Variants in DNAH2 observed in about 807,000 individuals in gnomAD.
DNAH2 encodes the protein axonemal beta dynein heavy chain 2.
A neutral mutation model predicts 523.5 loss-of-function variants in DNAH2; 323 were observed. That is an observed-to-expected ratio of 0.62 (90% CI 0.56 to 0.68). The LOEUF (loss-of-function observed/expected upper bound fraction) is 0.68. DNAH2 is among the 30% of genes least tolerant of loss of function. The probability of loss-of-function intolerance (pLI) is 0.00; values close to 1 mark genes in which losing one functional copy is unlikely to be tolerated. For missense variants in DNAH2, 4,907 were observed against 5,701.5 expected (o/e 0.86, Z 4.49); for synonymous variants, 2,093 against 2,177.4 (o/e 0.96, Z 1.08).
chr17:7,744,886 T>C (rs2075470381), intron 12 of DNAH2, among the ~76,000 whole-genome samples: 3 of 152,136 alleles, frequency 2.0e-5, no homozygotes, highest in African/African-American at 7.2e-5. Context: ...GCCCTTGGTG[T>C]TTATGGATAT....
chr17:7,777,603 G>A lies in DNAH2; in HGVS notation c.5216G>A (p.Trp1739Ter). ...CTCATGGATGTCAATTCCTTTGACT[G>A]GCTCAGCCAACTTCGGTTCTACTGG... ...SGLMDVNSFD[W>*]LSQLRFYWEK... The change falls in exon 33 of 86, where the codon TGG (tryptophan) becomes TAG (stop). Residue 1739 changes from tryptophan to a stop codon, truncating the protein, a stop_gained. Coordinates refer to ENST00000572933, the MANE Select transcript of DNAH2 (RefSeq NM_020877.5). LOFTEE classifies it high-confidence loss of function. The A allele has an allele frequency of 6.2e-7, 1 of 1,614,172 alleles. No homozygotes were observed. Among genetic ancestry groups the A allele is most frequent in the Non-Finnish European group, 8.5e-7 (1 of 1,180,036 alleles).
intron 42 of DNAH2, 165 bp downstream of exon 42, chr17:7,787,198 G>A: frequency 1.2e-6 from 1 of 865,242 alleles, no homozygotes; most frequent in Non-Finnish European, 1.7e-6. Flanking sequence ...GAAGAAAAAT[G>A]CTTTGCTTGC....
At chr17:7,734,143 C>T (rs1432333516) in intron 5 of DNAH2, 40 bp from the exon 6 acceptor site, 14 of 1,534,850 alleles carry the variant, frequency 9.1e-6, no homozygotes, top group South Asian at 1.2e-5. Flanking sequence ...AGCAAGAACT[C>T]ATCCCCTCTG....
In DNAH2 at chr17:7,754,922, G is replaced by A. The variant is rs2075794037; in HGVS notation, c.1905-2169G>A. On this transcript the variant is annotated intron_variant, in intron 12 of 85. Transcript: ENST00000572933. This position sits in a 1 kb window ranked among gnomAD's most constrained non-coding sequence, Gnocchi z 4.6. ...CCACCCCGGGCTGCCGTCTGCATGG[G>A]GCTGGGGTCCTCCTGCGCTATTGGT... is the stretch of plus-strand genomic sequence containing the variant. 7.4e-6 allele frequency: 4 copies of A among 541,460 alleles called. No homozygotes were observed. The African/African-American group carries it at 7.5e-5, about 10-fold the overall frequency. The allele number at this position is 541,460 out of a possible 1,614,324, so 33.5% of individuals were successfully genotyped here. A position where few individuals can be genotyped will look rare whatever the true frequency, so the allele number is the denominator to read the frequency against.
At chr17:7,745,509 G>A (rs1031425719) in intron 12 of DNAH2, among the ~76,000 whole-genome samples, 3 of 152,036 alleles carry the variant, frequency 2.0e-5, no homozygotes, top group African/African-American at 7.2e-5. Context: ...TGAAATAAAA[G>A]TTAAATTTAA....
rs1174865002 is a variant in DNAH2, at chr17:7,734,463, C to T, written c.740-7C>T. 3 of 1,613,444 alleles carry T rather than the reference C, an allele frequency of 1.9e-6. No individual in the cohort carries two copies. The highest frequency in any genetic ancestry group is 2.5e-6 in the Non-Finnish European group (3 of 1,179,788). Reference sequence around the variant, plus strand: ...AAACGAAGGAGATTTTGTACTCTCCCCTGCAGCCTCCATGATCCACTGGAC... The same window carrying T: ...AAACGAAGGAGATTTTGTACTCTCCTCTGCAGCCTCCATGATCCACTGGAC... On this transcript the variant is annotated splice_region_variant and splice_polypyrimidine_tract_variant and intron_variant, in intron 6 of 85. Coordinates refer to ENST00000572933, the MANE Select transcript of DNAH2 (RefSeq NM_020877.5).
intron 56 of DNAH2, 147 bp downstream of exon 56, chr17:7,799,389 G>A: frequency 8.4e-7 from 1 of 1,194,470 alleles, no homozygotes; most frequent in Non-Finnish European, 1.1e-6. Flanking sequence ...GGCTGTGCCT[G>A]ATTTCAGGAA....
At chr17:7,726,405 G>A (rs11652508) in intron 3 of DNAH2, among the ~76,000 whole-genome samples, 39,036 of 151,466 alleles carry the variant, frequency 0.26, 6,012 homozygotes, top group Non-Finnish European at 0.36. Context: ...CTGGGTTCAA[G>A]CGATTCTCCT....
chr17:7,720,959 A>G (rs2074582548), intron 2 of DNAH2, among the ~76,000 whole-genome samples: 1 of 151,518 alleles, frequency 6.6e-6, no homozygotes. Context: ...TTCGAACAGC[A>G]AGGATTTCTG....
At position 7,831,834 on chromosome 17, in the gene DNAH2, C is replaced by G; in HGVS notation, c.12726+59C>G. On this transcript the variant is annotated intron_variant, in intron 82 of 85. Transcript: ENST00000572933. This position sits in a 1 kb window ranked among gnomAD's most constrained non-coding sequence, Gnocchi z 4.2. ...AATGAGCTCCCCTCTCAATCCTGGG[C>G]CCCCCAATCTCCTGGTTCTAGGTGG... 6.8e-7 allele frequency: 1 copy of G among 1,478,426 alleles called. No individual in the cohort carries two copies. The highest frequency in any genetic ancestry group is 2.3e-5 in the East Asian group (1 of 43,572). The allele number at this position is 1,478,426 out of a possible 1,614,324, so 91.6% of individuals were successfully genotyped here.
Position 7,798,809 on chromosome 17 carries a change from C to T in DNAH2, c.8559+91C>T. Reference sequence around the variant, plus strand: ...CACAGCTCCCAGAATGTGCCACTGGCACACCCCCACTGCCACACCCCCACT... The same window carrying T: ...CACAGCTCCCAGAATGTGCCACTGGTACACCCCCACTGCCACACCCCCACT... On this transcript the variant is annotated intron_variant, in intron 55 of 85. Transcript: ENST00000572933. The surrounding 1 kb of genome is among the most constrained non-coding windows in gnomAD (Gnocchi z 5.5). 1.3e-6 allele frequency: 1 copy of T among 779,574 alleles called. No homozygotes were observed. The highest frequency in any genetic ancestry group is 1.9e-6 in the Non-Finnish European group (1 of 528,178). The allele number at this position is 779,574 out of a possible 1,614,324, so 48.3% of individuals were successfully genotyped here.
At chr17:7,825,005 A>G (rs1383440267) in intron 77 of DNAH2, among the ~76,000 whole-genome samples, 1 of 152,196 alleles carries the variant, frequency 6.6e-6, no homozygotes, top group Non-Finnish European at 1.5e-5. Flanking sequence ...TAAGGTGAAT[A>G]CTGTTACCCC....
At chr17:7,778,242 T>A in intron 34 of DNAH2, 38 bp from the exon 35 acceptor site, 1 of 1,613,974 alleles carries the variant, frequency 6.2e-7, no homozygotes, top group Non-Finnish European at 8.5e-7. Flanking sequence ...GAGAGAGGCT[T>A]CCAGGAGTCT....
chr17:7,730,153 C>G (rs1024218906), intron 4 of DNAH2, among the ~76,000 whole-genome samples: 2 of 148,072 alleles, frequency 1.4e-5, no homozygotes, highest in Admixed American at 6.7e-5. Flanking sequence ...AAAAGCTGAG[C>G]CCTGAAATGA....
rs1386612461 is a variant in DNAH2 at position 7,828,280 on chromosome 17, C to T, written c.11854-2020C>T. ...ATAATTCTTGATGGCTGGTAAGGCA[C>T]ATCTTCTTACCTTATTCTTCTTCAG... is the stretch of plus-strand genomic sequence containing the variant. On this transcript the variant is annotated intron_variant, in intron 77 of 85. Transcript: ENST00000572933. This position sits in a 1 kb window ranked among gnomAD's most constrained non-coding sequence, Gnocchi z 4.1. Among the ~76,000 whole-genome samples, 4 of 152,096 alleles carry T rather than the reference C, an allele frequency of 2.6e-5. No individual in the cohort carries two copies. The highest frequency in any genetic ancestry group is 5.9e-5 in the Non-Finnish European group (4 of 68,048).
intron 7 of DNAH2, among the ~76,000 whole-genome samples, chr17:7,735,460 T>C (rs2075113782): frequency 6.6e-6 from 1 of 151,580 alleles, no homozygotes; most frequent in South Asian, 2.1e-4. Context: ...TCTTTTTTTT[T>C]CCTTTTGAGA....
Position 7,757,086 on chromosome 17 carries a change from C to T in DNAH2, c.1905-5C>T. ...CCCTCACTGCCTGGCTGCTCTCTCT[C>T]AAAGGTCCCTTCTGATTCTCTTTGC... On this transcript the variant is annotated splice_polypyrimidine_tract_variant and splice_region_variant and intron_variant, in intron 12 of 85. Transcript: ENST00000572933. 6.2e-7 allele frequency: 1 copy of T among 1,614,092 alleles called. No individual in the cohort carries two copies. Among genetic ancestry groups the T allele is most frequent in the Non-Finnish European group, 8.5e-7 (1 of 1,179,956 alleles).
chr17:7,818,808 A>G, intron 70 of DNAH2, 32 bp downstream of exon 70: 1 of 1,613,370 alleles, frequency 6.2e-7, no homozygotes, highest in Non-Finnish European at 8.5e-7. Flanking sequence ...CCACTGCCCC[A>G]CGGGTCTACT....
At chr17:7,787,719 G>C in intron 42 of DNAH2, 141 bp from the exon 43 acceptor site, 1 of 1,166,298 alleles carries the variant, frequency 8.6e-7, no homozygotes, top group Non-Finnish European at 1.2e-6. Flanking sequence ...CTGGGTGACG[G>C]AGTGAGACTT....
Sources: allele counts gnomAD v4.1 joint callset (sites outside exome capture counted in the v4.1 genomes callset), GRCh38; gene constraint gnomAD v4.1.1; non-coding constraint Gnocchi (gnomAD v3.1); transcripts MANE v1.5; gene names NCBI Gene and HGNC (gene_info 2026-07-23, HGNC 2026-07-21).